The following GABRB3 variants were observed in gnomAD, a reference collection of about 807,000 sequenced individuals.
The protein encoded by GABRB3 is gamma-aminobutyric acid receptor subunit beta-3.
Under a neutral mutation model 52.1 loss-of-function variants are expected in GABRB3, and 14 were observed. That is an observed-to-expected ratio of 0.27 (90% CI 0.18 to 0.42). The LOEUF is 0.42. GABRB3 is among the 10% of genes least tolerant of loss of function. The pLI is 1.00. For missense variants in GABRB3, 307 were observed against 609.1 expected, an observed-to-expected ratio of 0.50 and a Z score of 5.22; for synonymous variants, 260 against 232.3, an observed-to-expected ratio of 1.12 and a Z score of -1.08.
intron 6 of GABRB3, among the ~76,000 whole-genome samples, chr15:26,568,669 T>TG (rs1890275590): frequency 8.4e-6 from 1 of 119,442 alleles, no homozygotes; most frequent in Non-Finnish European, 1.9e-5. Context: ...AGCTAGGTTT[T>TG]TTTTTTTTTT....
At chr15:26,732,374 C>T (rs1889952042) in intron 3 of GABRB3, among the ~76,000 whole-genome samples, 1 of 151,964 alleles carries the variant, frequency 6.6e-6, no homozygotes, top group South Asian at 2.1e-4. Flanking sequence ...AAATAAACAG[C>T]ACATCTATGA....
intron 3 of GABRB3, among the ~76,000 whole-genome samples, chr15:26,723,996 G>C (rs1482148073): frequency 2.0e-5 from 3 of 152,148 alleles, no homozygotes; most frequent in Non-Finnish European, 4.4e-5. Context: ...TCATAATGTG[G>C]ACAGATTCCT....
At chr15:26,703,969 A>C (rs564090394) in intron 3 of GABRB3, among the ~76,000 whole-genome samples, 1 of 152,144 alleles carries the variant, frequency 6.6e-6, no homozygotes, top group East Asian at 1.9e-4. Flanking sequence ...ATGGCTCTAC[A>C]TTCTGGGGTC....
At chr15:26,562,933 A>C (rs562902666) in intron 7 of GABRB3, among the ~76,000 whole-genome samples, 145 of 152,354 alleles carry the variant, frequency 9.5e-4, no homozygotes, top group African/African-American at 3.5e-3. Flanking sequence ...TTAACATCAC[A>C]TTCATGTGCA....
chr15:26,543,671 T>C lies in GABRB3; in HGVS notation c.*4122A>G, dbSNP rs907259555. 2.0e-5 allele frequency: 3 copies of C among 152,646 alleles called. No homozygotes were observed. The highest frequency in any genetic ancestry group is 7.2e-5 in the African/African-American group (3 of 41,444). The allele number at this position is 152,646 out of a possible 1,614,324, so 9.5% of individuals were successfully genotyped here. The stretch of plus-strand genomic sequence containing the variant: ...ATACCAAAAAATTACATCAATGTGC[T>C]TAAGCAAAACTGGGTTTAAATTTAT... On this transcript the variant is annotated 3_prime_UTR_variant, in exon 9 of 9. Coordinates refer to ENST00000311550, the MANE Select transcript of GABRB3 (RefSeq NM_000814.6).
At chr15:26,743,259 A>T (rs1216826755) in intron 3 of GABRB3, among the ~76,000 whole-genome samples, 1 of 152,080 alleles carries the variant, frequency 6.6e-6, no homozygotes, top group African/African-American at 2.4e-5. Flanking sequence ...AATGGCACAC[A>T]TGAAATAGAC....
intron 3 of GABRB3, among the ~76,000 whole-genome samples, chr15:26,648,886 A>G (rs1328011934): frequency 6.6e-6 from 1 of 151,940 alleles, no homozygotes. Context: ...AATGTGGATG[A>G]CTGGTGGGGT....
intron 3 of GABRB3, among the ~76,000 whole-genome samples, chr15:26,678,929 T>C (rs1245115872): frequency 6.6e-6 from 1 of 152,004 alleles, no homozygotes; most frequent in Admixed American, 6.6e-5. Flanking sequence ...TTAGTGTGAG[T>C]TTCTATGAAC....
chr15:26,580,508 C>T, intron 5 of GABRB3, 52 bp from the exon 6 acceptor site: 1 of 1,610,552 alleles, frequency 6.2e-7, no homozygotes, highest in Middle Eastern at 1.7e-4. Context: ...CGTATAAATG[C>T]ACGGCTAAAT....
chr15:26,714,286 C>CCAAA (rs1889398112), intron 3 of GABRB3, among the ~76,000 whole-genome samples: 1 of 152,152 alleles, frequency 6.6e-6, no homozygotes, highest in Admixed American at 6.5e-5. Flanking sequence ...ACAATGCCCC[C>CCAAA]ATAACTACTG....
intron 3 of GABRB3, among the ~76,000 whole-genome samples, chr15:26,655,147 C>T (rs890172052): frequency 6.6e-6 from 1 of 152,132 alleles, no homozygotes; most frequent in Non-Finnish European, 1.5e-5. Flanking sequence ...TTGTGTTGCA[C>T]ATATGGGTTA....
chr15:26,670,545 G>A (rs1298813369), intron 3 of GABRB3, among the ~76,000 whole-genome samples: 3 of 152,182 alleles, frequency 2.0e-5, no homozygotes, highest in South Asian at 2.1e-4. Flanking sequence ...GCAGCTCCAC[G>A]CCAGCTCTCG....
intron 3 of GABRB3, among the ~76,000 whole-genome samples, chr15:26,726,846 G>A (rs922998020): frequency 6.6e-6 from 1 of 152,122 alleles, no homozygotes; most frequent in South Asian, 2.1e-4. Flanking sequence ...CCTTGAGATT[G>A]TGCAGGTATT....
chr15:26,694,461 A>G (rs1888675682), intron 3 of GABRB3, among the ~76,000 whole-genome samples: 1 of 152,234 alleles, frequency 6.6e-6, no homozygotes, highest in Non-Finnish European at 1.5e-5. Context: ...TTTAAGAAGG[A>G]ACGTCTAGAG....
Position 26,772,452 on chromosome 15 carries a change from C to A in GABRB3, c.190G>T (p.Gly64Trp). 6.2e-7 allele frequency: 1 copy of A among 1,610,834 alleles called. No homozygotes were observed. Among genetic ancestry groups the A allele is most frequent in the Non-Finnish European group, 8.5e-7 (1 of 1,178,500 alleles). Residue 64 changes from glycine (G) to tryptophan (W), a missense_variant, in exon 3 of 9, where the codon GGG becomes TGG. By Grantham distance (184) the Gly-to-Trp change is radical (BLOSUM62 -2). Coordinates refer to ENST00000311550, the MANE Select transcript of GABRB3 (RefSeq NM_000814.6). ...PDFGGPPVCVGMNIDIASIDM... is the reference protein window; with the variant it reads ...PDFGGPPVCVWMNIDIASIDM... Reference sequence around the variant, plus strand: ...ATGCTGGCGATGTCGATGTTCATCCCCACGCAGACCGGGGGACCTGCGGGA... The same window carrying A: ...ATGCTGGCGATGTCGATGTTCATCCACACGCAGACCGGGGGACCTGCGGGA...
chr15:26,634,886 A>G (rs989179173), intron 3 of GABRB3, among the ~76,000 whole-genome samples: 1 of 130,306 alleles, frequency 7.7e-6, no homozygotes, highest in Non-Finnish European at 1.7e-5. Context: ...TTATAGAGAG[A>G]AAAAACTTTA....
In GABRB3 at chr15:26,772,974, G is replaced by A; in HGVS notation, c.-12C>T. The A allele has an allele frequency of 1.4e-6, 2 of 1,405,636 alleles. No individual in the cohort carries two copies. The highest frequency in any genetic ancestry group is 2.5e-5 in the Admixed American group (1 of 40,592). The allele number at this position is 1,405,636 out of a possible 1,614,324, so 87.1% of individuals were successfully genotyped here. On this transcript the variant is annotated 5_prime_UTR_variant, in exon 1 of 9. Coordinates refer to ENST00000311550, the MANE Select transcript of GABRB3 (RefSeq NM_000814.6). ...GCAAGGCCCCACATCCCTCCGCCGC[G>A]CCCCGGCACGGGGGAGGGGGCGCCC...
chr15:26,756,378 G>A (rs921506083), intron 3 of GABRB3, among the ~76,000 whole-genome samples: 2 of 150,374 alleles, frequency 1.3e-5, no homozygotes, highest in Admixed American at 6.7e-5. Flanking sequence ...GACCACCCCA[G>A]GCAACATGGT....
At chr15:26,565,645 G>GTA (rs1257034222) in intron 7 of GABRB3, among the ~76,000 whole-genome samples, 2 of 152,136 alleles carry the variant, frequency 1.3e-5, no homozygotes, top group Admixed American at 6.6e-5. Context: ...CACTTCCGGG[G>GTA]TATTAACGAT....
Sources: allele counts gnomAD v4.1 joint callset (sites outside exome capture counted in the v4.1 genomes callset), GRCh38; gene constraint gnomAD v4.1.1; transcripts MANE v1.5; gene names NCBI Gene and HGNC (gene_info 2026-07-23, HGNC 2026-07-21).